The following KLHL29 variants were observed in gnomAD, a reference collection of about 807,000 sequenced individuals.
KLHL29 encodes the protein kelch like family member 29, also known as kelch-like protein 29.
Under a neutral mutation model 80.4 loss-of-function variants are expected in KLHL29, and 21 were observed. The observed-to-expected ratio is 0.26, with a 90% CI of 0.19 to 0.38. KLHL29 has a LOEUF of 0.38. Ranked by LOEUF, KLHL29 falls within the 10% of genes least tolerant of loss-of-function variation. KLHL29 has a pLI of 1.00. For synonymous variants in KLHL29, 511 were observed against 526.8 expected (o/e 0.97, Z 0.41); for missense variants, 867 against 1,223.9 (o/e 0.71, Z 4.35).
In KLHL29 at chr2:23,682,821, G is replaced by C. The variant is rs868258209; in HGVS notation, c.941-1578G>C. 6.6e-6 allele frequency among the ~76,000 whole-genome samples: 1 copy of C among 152,076 alleles called. No individual in the cohort carries two copies. Among genetic ancestry groups the C allele is most frequent in the Non-Finnish European group, 1.5e-5 (1 of 68,028 alleles). On this transcript the variant is annotated intron_variant, in intron 5 of 13. Coordinates refer to ENST00000486442, the MANE Select transcript of KLHL29 (RefSeq NM_052920.2). The surrounding 1 kb of genome is among the most constrained non-coding windows in gnomAD (Gnocchi z 4.1). The stretch of plus-strand genomic sequence containing the variant: ...GAAGTCCCAGCCAGAGCCCCCTTCC[G>C]CACCCCTGGAGATGCTCTGCTGTGA...
At chr2:23,697,195 A>T (rs927130965) in intron 11 of KLHL29, 1 of 152,336 alleles carries the variant, frequency 6.6e-6, no homozygotes, top group African/African-American at 2.4e-5. Context: ...GCCATTGTGG[A>T]GGGTCAGATA....
At chr2:23,621,576 G>C (rs575253223) in intron 3 of KLHL29, among the ~76,000 whole-genome samples, 1 of 152,008 alleles carries the variant, frequency 6.6e-6, no homozygotes, top group Non-Finnish European at 1.5e-5. Flanking sequence ...GGAGGAGTAC[G>C]CTCAAGCCCT....
chr2:23,703,095 G>A lies in KLHL29; in HGVS notation c.2106-91G>A, dbSNP rs191245522. The stretch of plus-strand genomic sequence containing the variant: ...GCTATGCTGGCCATGCTGAGGGCGA[G>A]GAGCAGATGGCAGTTTGCTGCCCTT... On this transcript the variant is annotated intron_variant, in intron 11 of 13. Coordinates refer to ENST00000486442, the MANE Select transcript of KLHL29 (RefSeq NM_052920.2). The A allele has an allele frequency of 5.1e-5, 47 of 925,878 alleles. No homozygotes were observed. In the Admixed American group the frequency reaches 1.4e-3, roughly 27 times the overall value. The allele number at this position is 925,878 out of a possible 1,614,324, so 57.4% of individuals were successfully genotyped here. A position where few individuals can be genotyped will look rare whatever the true frequency, so the allele number is the denominator to read the frequency against.
intron 3 of KLHL29, among the ~76,000 whole-genome samples, chr2:23,589,045 C>T (rs774971941): frequency 2.2e-4 from 34 of 152,232 alleles, no homozygotes; most frequent in African/African-American, 7.7e-4. Flanking sequence ...TTCCTCGAGC[C>T]CCAGGATGCG....
chr2:23,646,205 T>C (rs1669926269), intron 5 of KLHL29, among the ~76,000 whole-genome samples: 2 of 152,084 alleles, frequency 1.3e-5, no homozygotes, highest in African/African-American at 2.4e-5. Flanking sequence ...AGCTAACACA[T>C]GGGGAGAGGT....
At chr2:23,505,253 T>A (rs147741507) in intron 2 of KLHL29, among the ~76,000 whole-genome samples, 16 of 152,206 alleles carry the variant, frequency 1.1e-4, no homozygotes, top group African/African-American at 3.4e-4. Context: ...TGATGCAGGG[T>A]GTCAGAGGAG....
intron 3 of KLHL29, among the ~76,000 whole-genome samples, chr2:23,630,016 T>C (rs1043397593): frequency 1.3e-5 from 2 of 152,120 alleles, no homozygotes; most frequent in Non-Finnish European, 2.9e-5. Flanking sequence ...GCAGGGAGTT[T>C]CCAGAAGGAA....
chr2:23,592,107 C>T (rs1668277135), intron 3 of KLHL29, among the ~76,000 whole-genome samples: 1 of 152,250 alleles, frequency 6.6e-6, no homozygotes, highest in South Asian at 2.1e-4. Flanking sequence ...GCTGCACCCA[C>T]TCACTGCTGT....
At chr2:23,523,952 T>C (rs1666195234) in intron 2 of KLHL29, 1 of 470,960 alleles carries the variant, frequency 2.1e-6, no homozygotes, top group East Asian at 7.0e-5. Flanking sequence ...AGTACTTACC[T>C]CGTAAAGAGA....
At chr2:23,428,291 C>A (rs1663060879) in intron 1 of KLHL29, among the ~76,000 whole-genome samples, 1 of 152,190 alleles carries the variant, frequency 6.6e-6, no homozygotes, top group Admixed American at 6.5e-5. Context: ...CTTCCGCTGT[C>A]CCCCTGCATG....
chr2:23,628,983 C>T (rs1034618145), intron 3 of KLHL29, among the ~76,000 whole-genome samples: 2 of 152,238 alleles, frequency 1.3e-5, no homozygotes, highest in African/African-American at 4.8e-5. Context: ...TGCCCACCTC[C>T]CCGCCCACTC....
At chr2:23,516,396 A>G (rs1665929701) in intron 2 of KLHL29, among the ~76,000 whole-genome samples, 1 of 151,820 alleles carries the variant, frequency 6.6e-6, no homozygotes, top group South Asian at 2.1e-4. Flanking sequence ...TAATACACAC[A>G]CGCGCACACA....
intron 3 of KLHL29, among the ~76,000 whole-genome samples, chr2:23,618,169 C>T (rs1445403069): frequency 5.9e-5 from 9 of 151,990 alleles, no homozygotes; most frequent in African/African-American, 2.2e-4. Context: ...TTGTTTGGGC[C>T]TTTATTTATT....
At chr2:23,650,992 T>C (rs1670074049) in intron 5 of KLHL29, among the ~76,000 whole-genome samples, 5 of 147,788 alleles carry the variant, frequency 3.4e-5, no homozygotes, top group Admixed American at 3.3e-4. Context: ...ACTGGTTCAA[T>C]GAGAAATGAT....
chr2:23,555,923 G>C (rs977764684), intron 2 of KLHL29, among the ~76,000 whole-genome samples: 4 of 152,264 alleles, frequency 2.6e-5, no homozygotes, highest in Non-Finnish European at 5.9e-5. Context: ...GATGCTGGGG[G>C]ACCTTGTCCT....
chr2:23,504,640 AG>A (rs1466608058), intron 2 of KLHL29, among the ~76,000 whole-genome samples: 1 of 152,206 alleles, frequency 6.6e-6, no homozygotes, highest in Non-Finnish European at 1.5e-5. Context: ...TGGAACTGGA[AG>A]GGGGTAGGCA....
At chr2:23,581,752 C>T (rs903348931) in intron 3 of KLHL29, among the ~76,000 whole-genome samples, 38 of 135,890 alleles carry the variant, frequency 2.8e-4, no homozygotes, top group Non-Finnish European at 3.0e-4. Flanking sequence ...CGCTTGAACC[C>T]GGGAGGTGGA....
At chr2:23,405,271 ATTGT>A (rs1402594533) in intron 1 of KLHL29, among the ~76,000 whole-genome samples, 3 of 152,084 alleles carry the variant, frequency 2.0e-5, no homozygotes, top group Non-Finnish European at 4.4e-5. Context: ...AGTTAGTTAT[ATTGT>A]TTATTATTTT....
chr2:23,623,545 C>T (rs903375116), intron 3 of KLHL29, among the ~76,000 whole-genome samples: 5 of 152,134 alleles, frequency 3.3e-5, no homozygotes, highest in African/African-American at 1.2e-4. Flanking sequence ...TCAAAGTGGC[C>T]ATGGGGGACT....
Sources: allele counts gnomAD v4.1 joint callset (sites outside exome capture counted in the v4.1 genomes callset), GRCh38; gene constraint gnomAD v4.1.1; non-coding constraint Gnocchi (gnomAD v3.1); transcripts MANE v1.5; gene names NCBI Gene and HGNC (gene_info 2026-07-23, HGNC 2026-07-21).